Variants in SULF1 observed in about 807,000 individuals in gnomAD.
SULF1 encodes sulfatase 1.
A neutral mutation model predicts 110.5 loss-of-function variants in SULF1; 46 were observed. The observed-to-expected ratio is 0.42, with a 90% CI of 0.33 to 0.53. SULF1 has a LOEUF of 0.53. SULF1 is among the 20% of genes least tolerant of loss of function. The probability of loss-of-function intolerance (pLI) is 0.12; values close to 1 mark genes in which losing one functional copy is unlikely to be tolerated. For synonymous variants in SULF1, 371 were observed against 387.1 expected (o/e 0.96, Z 0.49); for missense variants, 941 against 1,094.2 (o/e 0.86, Z 1.98).
chr8:69,598,607 G>A (rs1008220227), intron 8 of SULF1, among the ~76,000 whole-genome samples: 4 of 152,080 alleles, frequency 2.6e-5, no homozygotes, highest in African/African-American at 9.7e-5. Context: ...GGCCAGGCTG[G>A]TCTCGAACTC....
At chr8:69,531,993 G>A (rs1414276061) in intron 3 of SULF1, among the ~76,000 whole-genome samples, 1 of 152,176 alleles carries the variant, frequency 6.6e-6, no homozygotes, top group African/African-American at 2.4e-5. Flanking sequence ...CTGAGGCTCA[G>A]TTGCCAGCTG....
At chr8:69,472,058 C>T (rs893734096) in intron 1 of SULF1, among the ~76,000 whole-genome samples, 1 of 151,910 alleles carries the variant, frequency 6.6e-6, no homozygotes, top group Admixed American at 6.6e-5. Context: ...TTTGGAGCAA[C>T]TGAGCTAATG....
At chr8:69,616,148 ATG>A (rs1052731318) in intron 13 of SULF1, among the ~76,000 whole-genome samples, 27 of 142,566 alleles carry the variant, frequency 1.9e-4, no homozygotes, top group Admixed American at 9.7e-4. Flanking sequence ...ACACACATAT[ATG>A]TGTGTGTATA....
intron 3 of SULF1, among the ~76,000 whole-genome samples, chr8:69,521,354 C>A (rs762072490): frequency 1.3e-5 from 2 of 152,022 alleles, no homozygotes; most frequent in Non-Finnish European, 2.9e-5. Context: ...ATAAGACTAA[C>A]CACAATATAC....
chr8:69,511,615 C>T (rs971220091), intron 3 of SULF1, among the ~76,000 whole-genome samples: 35 of 152,164 alleles, frequency 2.3e-4, no homozygotes, highest in Non-Finnish European at 4.7e-4. Context: ...GGAGATTTCC[C>T]ATATACCCCT....
chr8:69,646,938 A>ATTTTTTTTTTTTTTTTTTTTTTTTTTTT, intron 22 of SULF1, among the ~76,000 whole-genome samples: 1 of 97,740 alleles, frequency 1.0e-5, no homozygotes, highest in Non-Finnish European at 2.0e-5. Flanking sequence ...GAGCCCTGGA[A>ATTTTTTTTTTTTTTTTTTTTTTTTTTTT]TTTTTTTTTT....
intron 3 of SULF1, among the ~76,000 whole-genome samples, chr8:69,506,789 A>G (rs1048486753): frequency 6.6e-6 from 1 of 152,186 alleles, no homozygotes; most frequent in African/African-American, 2.4e-5. Flanking sequence ...CAAGGAAAGG[A>G]GTTTAATTAC....
upstream of SULF1, among the ~76,000 whole-genome samples, chr8:69,488,272 T>C (rs1348627920): frequency 6.6e-6 from 1 of 152,164 alleles, no homozygotes; most frequent in Non-Finnish European, 1.5e-5. Flanking sequence ...TGAGAAAAAA[T>C]TCTTCCTGCT....
chr8:69,570,798 C>A (rs186656300), intron 5 of SULF1, among the ~76,000 whole-genome samples: 336 of 152,334 alleles, frequency 2.2e-3, no homozygotes, highest in African/African-American at 7.7e-3. Flanking sequence ...GGTCCACAGC[C>A]GATGGCTGTC....
rs921977061 is a variant in SULF1 at position 69,623,960 on chromosome 8, T to G, written c.1613T>G (p.Val538Gly). Residue 538 changes from valine to glycine, a missense_variant, in exon 15 of 23, where the codon GTC (valine) becomes GGC (glycine). Coordinates refer to ENST00000402687, the MANE Select transcript of SULF1 (RefSeq NM_001128205.2). ...QGTPKYKPRF[V>G]HTRQTRSLSV... ...CTTCTAGAGTACAAGCCCAGATTTG[T>G]CCATACTCGGCAGACACGTTCCTTG... 2.5e-6 allele frequency: 4 copies of G among 1,613,838 alleles called. No homozygotes were observed. The highest frequency in any genetic ancestry group is 1.7e-5 in the Admixed American group (1 of 59,976).
chr8:69,560,480 T>G (rs1163462012), intron 3 of SULF1, among the ~76,000 whole-genome samples: 1 of 152,226 alleles, frequency 6.6e-6, no homozygotes, highest in South Asian at 2.1e-4. Context: ...TGTTTTCATT[T>G]TATGGCTTGG....
At chr8:69,523,188 G>A in intron 3 of SULF1, among the ~76,000 whole-genome samples, 1 of 152,292 alleles carries the variant, frequency 6.6e-6, no homozygotes, top group East Asian at 1.9e-4. Flanking sequence ...TTCAGACAGA[G>A]AGAATATGCA....
intron 8 of SULF1, among the ~76,000 whole-genome samples, chr8:69,594,544 A>G (rs1807159552): frequency 6.6e-6 from 1 of 152,182 alleles, no homozygotes; most frequent in Admixed American, 6.5e-5. Context: ...TAGGTTGTCA[A>G]AGGAAAAACT....
chr8:69,467,130 C>T (rs1808890008), intron 1 of SULF1: 1 of 152,180 alleles, frequency 6.6e-6, no homozygotes, highest in African/African-American at 2.4e-5. Context: ...GTAGAACTAA[C>T]ACTCCTCATG....
Position 69,476,081 on chromosome 8 carries a change from A to G in SULF1, c.-391+9131A>G, listed in dbSNP as rs113384081. Among the ~76,000 whole-genome samples the G allele has an allele frequency of 3.3e-3, 509 of 152,324 alleles. 4 individuals are homozygous for G. The highest frequency in any genetic ancestry group is 0.012 in the African/African-American group (484 of 41,570). The stretch of plus-strand genomic sequence containing the variant: ...GCGGAACATGAAATTTAAAAAGTCT[A>G]GAGGCAAGAAGAGATGAAATATTTA... On this transcript the variant is annotated intron_variant, in intron 1 of 22. Transcript: ENST00000260128.
At chr8:69,612,120 T>A (rs1808708749) in intron 13 of SULF1, among the ~76,000 whole-genome samples, 1 of 152,196 alleles carries the variant, frequency 6.6e-6, no homozygotes, top group African/African-American at 2.4e-5. Context: ...CATTCCTGAG[T>A]TACTTCACTT....
upstream of SULF1, among the ~76,000 whole-genome samples, chr8:69,489,296 A>G (rs965980079): frequency 3.3e-5 from 5 of 152,046 alleles, no homozygotes; most frequent in African/African-American, 1.2e-4. Context: ...AGTTTAAGCA[A>G]TTTTTCTAGC....
intron 3 of SULF1, among the ~76,000 whole-genome samples, chr8:69,526,868 G>A (rs1210737347): frequency 2.2e-5 from 3 of 134,874 alleles, no homozygotes; most frequent in South Asian, 2.4e-4. Flanking sequence ...GAAAGAAGGA[G>A]GAAGGGAAGG....
chr8:69,595,154 A>G (rs1461990103), intron 8 of SULF1, among the ~76,000 whole-genome samples: 1 of 152,228 alleles, frequency 6.6e-6, no homozygotes, highest in Non-Finnish European at 1.5e-5. Flanking sequence ...AGTTTTTTAG[A>G]TTAAAAAACA....
Sources: allele counts gnomAD v4.1 joint callset (sites outside exome capture counted in the v4.1 genomes callset), GRCh38; gene constraint gnomAD v4.1.1; transcripts MANE v1.5; gene names NCBI Gene and HGNC (gene_info 2026-07-23, HGNC 2026-07-21).